Variants in ARID4B observed in about 807,000 individuals in gnomAD.
ARID4B encodes AT-rich interaction domain 4B.
ARID4B carries 26 observed loss-of-function variants against 147.5 expected under a neutral mutation model. The observed-to-expected ratio is 0.18, with a 90% CI of 0.13 to 0.24. ARID4B has a LOEUF of 0.24. ARID4B is among the 10% of genes least tolerant of loss of function. The pLI, the probability that ARID4B is intolerant of heterozygous loss-of-function variation, is 1.00. For synonymous variants in ARID4B, 512 were observed against 507.9 expected (o/e 1.01, Z -0.11); for missense variants, 1,179 against 1,511.5 (o/e 0.78, Z 3.65).
At chr1:235,186,411 A>ATT (rs879460039) in intron 19 of ARID4B, among the ~76,000 whole-genome samples, 10 of 137,368 alleles carry the variant, frequency 7.3e-5, no homozygotes, top group South Asian at 2.3e-4. Context: ...GAATTTGCTT[A>ATT]TTTTTTTTTT....
chr1:235,295,320 G>T (rs1010867635), intron 2 of ARID4B, among the ~76,000 whole-genome samples: 14 of 151,680 alleles, frequency 9.2e-5, no homozygotes, highest in Admixed American at 6.6e-5. Flanking sequence ...GACCGGCCTG[G>T]CCAACATGGC....
At chr1:235,245,842 T>C (rs1376078499) in intron 7 of ARID4B, among the ~76,000 whole-genome samples, 2 of 152,062 alleles carry the variant, frequency 1.3e-5, no homozygotes, top group East Asian at 3.9e-4. Flanking sequence ...ATTTTATAGA[T>C]AGGAAGTGAG....
chr1:235,171,206 C>T (rs551160376), intron 23 of ARID4B, among the ~76,000 whole-genome samples: 6 of 152,094 alleles, frequency 3.9e-5, no homozygotes, highest in East Asian at 1.9e-4. Flanking sequence ...CTGAAGCAGG[C>T]GGATCACGAA....
chr1:235,208,796 C>T (rs1666502290), intron 17 of ARID4B, among the ~76,000 whole-genome samples: 1 of 152,012 alleles, frequency 6.6e-6, no homozygotes, highest in South Asian at 2.1e-4. Flanking sequence ...GGATTACAGG[C>T]GTGAGCCACC....
chr1:235,214,146 GTGTATGAAAT>G (rs1666896760), intron 16 of ARID4B, 120 bp from the exon 17 acceptor site: 1 of 1,236,790 alleles, frequency 8.1e-7, no homozygotes, highest in Non-Finnish European at 1.1e-6. Flanking sequence ...CAGGTTCCAC[GTGTATGAAAT>G]TCTCAGAGTT....
intron 16 of ARID4B, 42 bp downstream of exon 16, chr1:235,219,751 C>T: frequency 2.0e-6 from 3 of 1,465,658 alleles, no homozygotes; most frequent in Non-Finnish European, 2.8e-6. Flanking sequence ...GATAAGAATC[C>T]ATCAAGCTGA....
Position 235,220,291 on chromosome 1 carries a change from A to G in ARID4B, c.1407+11T>C. Reference sequence around the variant, plus strand: ...AAGAAAGCAAAAGACAATTAACAATATCTGATTTACCAGAGAGGGCTTAAT... The same window carrying G: ...AAGAAAGCAAAAGACAATTAACAATGTCTGATTTACCAGAGAGGGCTTAAT... On this transcript the variant is annotated intron_variant, in intron 15 of 23. Coordinates refer to ENST00000264183, the MANE Select transcript of ARID4B (RefSeq NM_016374.6). The G allele has an allele frequency of 6.3e-7, 1 of 1,583,884 alleles. No homozygotes were observed. Among genetic ancestry groups the G allele is most frequent in the East Asian group, 2.2e-5 (1 of 44,538 alleles).
intron 2 of ARID4B, among the ~76,000 whole-genome samples, chr1:235,293,339 T>A (rs977701499): frequency 6.6e-6 from 1 of 152,200 alleles, no homozygotes; most frequent in Non-Finnish European, 1.5e-5. Context: ...TATAATGAAG[T>A]AGTACATGCT....
rs1480869327 is a variant in ARID4B, at chr1:235,182,400, C to T, written c.2519G>A (p.Gly840Asp). The part of the protein sequence containing the change: ...TEECLKTGSP[G>D]KKEEKAKNKE... The stretch of plus-strand genomic sequence containing the variant: ...GTTCTTGGCCTTCTCTTCCTTTTTG[C>T]CAGGTGATCCAGTTTTTAGACACTC... The change falls in exon 20 of 24, where the codon GGC (glycine) becomes GAC (aspartate). Residue 840 changes from glycine (G) to aspartate (D), a missense_variant. By Grantham distance (94) the Gly-to-Asp change is moderately conservative. Transcript: ENST00000264183. 1.9e-6 allele frequency: 3 copies of T among 1,607,936 alleles called. No homozygotes were observed. Among genetic ancestry groups the T allele is most frequent in the Admixed American group, 3.4e-5 (2 of 58,350 alleles).
At chr1:235,303,803 A>G (rs1358200938) in intron 2 of ARID4B, among the ~76,000 whole-genome samples, 1 of 152,226 alleles carries the variant, frequency 6.6e-6, no homozygotes, top group African/African-American at 2.4e-5. Context: ...TTAGGTGCAC[A>G]GGTAATAAGC....
At chr1:235,288,911 G>GT (rs1672153092) in intron 2 of ARID4B, among the ~76,000 whole-genome samples, 1 of 152,196 alleles carries the variant, frequency 6.6e-6, no homozygotes, top group Non-Finnish European at 1.5e-5. Context: ...TCCTAGAGGA[G>GT]TTTAACAATC....
intron 2 of ARID4B, among the ~76,000 whole-genome samples, chr1:235,317,392 T>C (rs948508518): frequency 3.3e-5 from 5 of 152,180 alleles, no homozygotes; most frequent in African/African-American, 9.7e-5. Flanking sequence ...GAGTAATATA[T>C]GAGCAAGCGT....
At chr1:235,263,117 CTCT>C (rs1670391833) in intron 2 of ARID4B, among the ~76,000 whole-genome samples, 1 of 152,122 alleles carries the variant, frequency 6.6e-6, no homozygotes, top group Non-Finnish European at 1.5e-5. Flanking sequence ...TTGCAACCTC[CTCT>C]ATTAACACAT....
Position 235,251,327 on chromosome 1 carries a change from C to CTGTTGGG in ARID4B, c.354+1402_354+1403insCCCAACA, listed in dbSNP as rs537732284. 2.7e-4 allele frequency among the ~76,000 whole-genome samples: 41 copies of CTGTTGGG among 151,852 alleles called. 1 individual carries two copies. In the East Asian group the frequency reaches 7.9e-3, roughly 29 times the overall value. ...TAGAGGAGGAAGCATTTATAATGGC[C>CTGTTGGG]TTCAACATAAGTGAGATTCCAACAA... On this transcript the variant is annotated intron_variant, in intron 6 of 23. Transcript: ENST00000264183.
At chr1:235,224,194 C>A (rs889658306) in intron 12 of ARID4B, among the ~76,000 whole-genome samples, 1 of 152,126 alleles carries the variant, frequency 6.6e-6, no homozygotes, top group African/African-American at 2.4e-5. Flanking sequence ...CCCTTACAAG[C>A]ATCTTCCCAG....
intron 2 of ARID4B, among the ~76,000 whole-genome samples, chr1:235,317,599 T>C (rs1301776366): frequency 6.6e-6 from 1 of 152,208 alleles, no homozygotes; most frequent in African/African-American, 2.4e-5. Flanking sequence ...GTAAACTGTT[T>C]ATATACTTCC....
chr1:235,239,713 A>T (rs1218573323), intron 8 of ARID4B, among the ~76,000 whole-genome samples: 1 of 152,186 alleles, frequency 6.6e-6, no homozygotes, highest in African/African-American at 2.4e-5. Flanking sequence ...AATCTTGAGT[A>T]CCTCCTCAGA....
chr1:235,327,301 G>T (rs994371793), intron 1 of ARID4B: 1 of 157,838 alleles, frequency 6.3e-6, no homozygotes, highest in African/African-American at 2.4e-5. Context: ...CTAGGGCCTC[G>T]GCGCCCGGCC....
chr1:235,270,240 G>T (rs1322269582), intron 2 of ARID4B, among the ~76,000 whole-genome samples: 1 of 152,070 alleles, frequency 6.6e-6, no homozygotes, highest in Admixed American at 6.6e-5. Flanking sequence ...CCGAGATCAT[G>T]CCACTGGACT....
Sources: allele counts gnomAD v4.1 joint callset (sites outside exome capture counted in the v4.1 genomes callset), GRCh38; gene constraint gnomAD v4.1.1; transcripts MANE v1.5; gene names NCBI Gene and HGNC (gene_info 2026-07-23, HGNC 2026-07-21).